S100A6: variants seen among roughly 807,000 people sequenced by gnomAD.
S100A6 encodes the protein protein S100-A6.
S100A6 carries 3 observed loss-of-function variants against 3.5 expected under a neutral mutation model. That is an observed-to-expected ratio of 0.87 (90% CI 0.39 to 2.24). The LOEUF (loss-of-function observed/expected upper bound fraction) is 2.24. Among genes scored for constraint, S100A6 ranks in the 30% most tolerant of loss-of-function variants. The pLI is 0.05. For missense variants in S100A6, 114 were observed against 105.3 expected, an observed-to-expected ratio of 1.08 and a Z score of -0.36; for synonymous variants, 48 against 45.2, an observed-to-expected ratio of 1.06 and a Z score of -0.25.
chr1:153,534,702 CT>C lies in S100A6; in HGVS notation c.266del (p.Lys89ArgfsTer6). The C allele has an allele frequency of 6.2e-7, 1 of 1,608,670 alleles. No homozygotes were observed. Among genetic ancestry groups the C allele is most frequent in the Non-Finnish European group, 8.5e-7 (1 of 1,177,526 alleles). ...ALALIYNEAL[K>X]G ...CCATCTTCCCTATTTATTTTCAGCC[CT>C]TGAGGGCTTCATTGTAGATCAAAGC... On this transcript the variant is annotated frameshift_variant, in exon 3 of 3. Transcript: ENST00000368719. LOFTEE classifies it high-confidence loss of function.
chr1:153,534,811 A>G lies in S100A6; in HGVS notation c.158T>C (p.Ile53Thr), dbSNP rs1014106908. 6.2e-7 allele frequency: 1 copy of G among 1,613,238 alleles called. No individual in the cohort carries two copies. The highest frequency in any genetic ancestry group is 8.5e-7 in the Non-Finnish European group (1 of 1,179,804). Residue 53 changes from isoleucine (I) to threonine (T), a missense_variant, in exon 3 of 3, where the codon ATT (isoleucine) becomes ACT (threonine). Physicochemically the swap from Ile to Thr is moderately conservative, Grantham distance 89. Coordinates refer to ENST00000368719, the MANE Select transcript of S100A6 (RefSeq NM_014624.4). ...GTCCAAGTCTTCCATCAGCCTTGCA[A>G]TTTCAGCATCCTGCAGCTTCTAATG... ...TIGSKLQDAE[I>T]ARLMEDLDRN...
At chr1:153,534,990 G>C in intron 2 of S100A6, 160 bp from the exon 3 acceptor site, 1 of 1,126,808 alleles carries the variant, frequency 8.9e-7, no homozygotes, top group East Asian at 2.4e-5. Context: ...CTACTTCTCA[G>C]TTACTGGTCC....
intron 2 of S100A6, 44 bp from the exon 3 acceptor site, chr1:153,534,874 AC>A (rs922723926): frequency 1.3e-6 from 2 of 1,582,208 alleles, no homozygotes; most frequent in Non-Finnish European, 1.7e-6. Context: ...GGTGATGACA[AC>A]CCTGGATTCT....
intron 2 of S100A6, 28 bp from the exon 3 acceptor site, chr1:153,534,858 C>G (rs1182556230): frequency 6.2e-7 from 1 of 1,602,012 alleles, no homozygotes; most frequent in African/African-American, 1.3e-5. Flanking sequence ...GAAATCCATA[C>G]TCAGTGGTGA....
chr1:153,534,779 T>G lies in S100A6; in HGVS notation c.190A>C (p.Lys64Gln). 6.2e-7 allele frequency: 1 copy of G among 1,614,024 alleles called. No homozygotes were observed. Among genetic ancestry groups the G allele is most frequent in the Non-Finnish European group, 8.5e-7 (1 of 1,179,984 alleles). The change falls in exon 3 of 3, where the codon AAG becomes CAG. Residue 64 changes from lysine (K) to glutamine (Q), a missense_variant. By Grantham distance (53) the Lys-to-Gln change is moderately conservative. Transcript: ENST00000368719. ...TCCTGGAAGTTCACCTCCTGGTCCT[T>G]GTTCCGGTCCAAGTCTTCCATCAGC... The part of the protein sequence containing the change: ...ARLMEDLDRN[K>Q]DQEVNFQEYV...
chr1:153,534,642 G>C lies in S100A6; in HGVS notation c.*54C>G. The C allele has an allele frequency of 6.6e-7, 1 of 1,507,846 alleles. No homozygotes were observed. The highest frequency in any genetic ancestry group is 8.9e-7 in the Non-Finnish European group (1 of 1,127,518). The allele number at this position is 1,507,846 out of a possible 1,614,324, so 93.4% of individuals were successfully genotyped here. ...ATTTATTGTACAATTACCCACCACT[G>C]GATTTGACTCAGAGAGGACCCCCAG... On this transcript the variant is annotated 3_prime_UTR_variant, in exon 3 of 3. Transcript: ENST00000368719.
Position 153,535,615 on chromosome 1 carries a change from A to G in S100A6, c.-21-255T>C, listed in dbSNP as rs576957878. Among the ~76,000 whole-genome samples, 6 of 152,344 alleles carry G rather than the reference A, an allele frequency of 3.9e-5. No homozygotes were observed. In the South Asian group the frequency reaches 1.2e-3, roughly 32 times the overall value. Reference sequence around the variant, plus strand: ...TGGGCACAGCTGAGAACTGTCCTTCAGGGGATCCAGAAGTTGAGGAGTATG... The same window carrying G: ...TGGGCACAGCTGAGAACTGTCCTTCGGGGGATCCAGAAGTTGAGGAGTATG... On this transcript the variant is annotated intron_variant, in intron 1 of 2. Transcript: ENST00000368719.
In S100A6 at chr1:153,535,263, T is replaced by G. The variant is rs1665149446; in HGVS notation, c.77A>C (p.Lys26Thr). The G allele has an allele frequency of 6.2e-7, 1 of 1,614,016 alleles. No individual in the cohort carries two copies. The highest frequency in any genetic ancestry group is 1.3e-5 in the African/African-American group (1 of 74,904). The stretch of plus-strand genomic sequence containing the variant: ...CAGCTCCTTCTTGCTCAGGGTGTGC[T>G]TGTCACCCTCCCTGCCGGAGTACTT... Reference protein sequence around the residue: ...FHKYSGREGDKHTLSKKELKE... With the variant: ...FHKYSGREGDTHTLSKKELKE... Residue 26 changes from lysine to threonine, a missense_variant, in exon 2 of 3, where the codon AAG (lysine) becomes ACG (threonine). Transcript: ENST00000368719.
At position 153,535,600 on chromosome 1, in the gene S100A6, T is replaced by G. The variant is rs558641229; in HGVS notation, c.-21-240A>C. ...TAGGAACAGTAGCTTTGGGCACAGC[T>G]GAGAACTGTCCTTCAGGGGATCCAG... On this transcript the variant is annotated intron_variant, in intron 1 of 2. Transcript: ENST00000368719. Among the ~76,000 whole-genome samples, 3 of 152,292 alleles carry G rather than the reference T, an allele frequency of 2.0e-5. No individual in the cohort carries two copies. In the East Asian group the frequency reaches 5.8e-4, roughly 29 times the overall value.
At chr1:153,535,079 G>A in intron 2 of S100A6, 123 bp downstream of exon 2, 1 of 1,388,896 alleles carries the variant, frequency 7.2e-7, no homozygotes, top group Non-Finnish European at 9.9e-7. Context: ...GGGTCTACAT[G>A]TGGACCAGGG....
In S100A6 at chr1:153,534,940, C is replaced by T; in HGVS notation, c.139-110G>A. On this transcript the variant is annotated intron_variant, in intron 2 of 2. Coordinates refer to ENST00000368719, the MANE Select transcript of S100A6 (RefSeq NM_014624.4). ...TGCAAGTGGCTCTGTGCTCCCTCATCACCAAGGACCCATGTCACTTTGGCA... is the reference window on the plus strand; with the variant it reads ...TGCAAGTGGCTCTGTGCTCCCTCATTACCAAGGACCCATGTCACTTTGGCA... The T allele has an allele frequency of 5.8e-6, 8 of 1,375,710 alleles. 1 individual carries two copies. The highest frequency in any genetic ancestry group is 7.0e-6 in the Non-Finnish European group (7 of 1,006,534). The allele number at this position is 1,375,710 out of a possible 1,614,324, so 85.2% of individuals were successfully genotyped here. A position where few individuals can be genotyped will look rare whatever the true frequency, so the allele number is the denominator to read the frequency against.
At chr1:153,535,467 T>A in intron 1 of S100A6, 107 bp from the exon 2 acceptor site, 4 of 1,222,780 alleles carry the variant, frequency 3.3e-6, no homozygotes, top group Non-Finnish European at 4.5e-6. Context: ...CCACCCAGTC[T>A]CAGGCCACAC....
At position 153,535,209 on chromosome 1, in the gene S100A6, A is replaced by G. The variant is rs1397077541; in HGVS notation, c.131T>C (p.Ile44Thr). Residue 44 changes from isoleucine to threonine, a missense_variant, in exon 2 of 3, where the codon ATT becomes ACT. Physicochemically the swap from Ile to Thr is moderately conservative, Grantham distance 89. Coordinates refer to ENST00000368719, the MANE Select transcript of S100A6 (RefSeq NM_014624.4). ...LKELIQKELT[I>T]GSKLQDAEIA... ...GGGGAGGAGGCCACTCACCGAGCCA[A>G]TGGTGAGCTCCTTCTGGATCAGCTC... The G allele has an allele frequency of 3.1e-6, 5 of 1,614,108 alleles. No individual in the cohort carries two copies. Among genetic ancestry groups the G allele is most frequent in the East Asian group, 2.2e-5 (1 of 44,850 alleles).
rs1571228924 is a variant in S100A6, at chr1:153,534,792, G to A, written c.177C>T (p.Asp59=). 2 of 1,613,820 alleles carry A rather than the reference G, an allele frequency of 1.2e-6. No individual in the cohort carries two copies. Among genetic ancestry groups the A allele is most frequent in the Non-Finnish European group, 8.5e-7 (1 of 1,179,992 alleles). The change falls in exon 3 of 3, where the codon GAC becomes GAT. Residue 59 remains aspartate (D), a synonymous_variant. Transcript: ENST00000368719. ...CCTCCTGGTCCTTGTTCCGGTCCAA[G>A]TCTTCCATCAGCCTTGCAATTTCAG... ...QDAEIARLME[D]LDRNKDQEVN...
chr1:153,535,333 A>C lies in S100A6; in HGVS notation c.7T>G (p.Cys3Gly). Residue 3 changes from cysteine (C) to glycine (G), a missense_variant, in exon 2 of 3, where the codon TGC becomes GGC. Physicochemically the swap from Cys to Gly is radical, Grantham distance 159 (BLOSUM62 -3). Transcript: ENST00000368719. MACPLDQAIGLLV... is the reference protein window; with the variant it reads MAGPLDQAIGLLV... Reference sequence around the variant, plus strand: ...AGGCCAATGGCCTGATCCAGGGGGCATGCCATGGCTGAGGGCTGGGCTTGG... The same window carrying C: ...AGGCCAATGGCCTGATCCAGGGGGCCTGCCATGGCTGAGGGCTGGGCTTGG... The C allele has an allele frequency of 6.2e-7, 1 of 1,614,094 alleles. No homozygotes were observed. The highest frequency in any genetic ancestry group is 8.5e-7 in the Non-Finnish European group (1 of 1,180,002).
chr1:153,535,043 C>T (rs757892405), intron 2 of S100A6, 159 bp downstream of exon 2: 2 of 1,161,648 alleles, frequency 1.7e-6, no homozygotes, highest in Non-Finnish European at 2.4e-6. Context: ...ATCCCCTACC[C>T]GCTGGGAGAG....
Position 153,535,259 on chromosome 1 carries a change from G to A in S100A6, c.81C>T (p.His27=), listed in dbSNP as rs760145150. The A allele has an allele frequency of 1.2e-6, 2 of 1,614,080 alleles. No individual in the cohort carries two copies. ...CCTTCAGCTCCTTCTTGCTCAGGGTGTGCTTGTCACCCTCCCTGCCGGAGT... is the reference window on the plus strand; with the variant it reads ...CCTTCAGCTCCTTCTTGCTCAGGGTATGCTTGTCACCCTCCCTGCCGGAGT... ...HKYSGREGDK[H]TLSKKELKEL... Residue 27 remains histidine, a synonymous_variant, in exon 2 of 3, where the codon CAC becomes CAT. Transcript: ENST00000368719.
rs775210745 is a variant in S100A6 at position 153,534,663 on chromosome 1, C to T, written c.*33G>A. 49 of 1,566,824 alleles carry T rather than the reference C, an allele frequency of 3.1e-5. No homozygotes were observed. The South Asian group carries it at 5.6e-4, about 18-fold the overall frequency. On this transcript the variant is annotated 3_prime_UTR_variant, in exon 3 of 3. Transcript: ENST00000368719. ...CACTGGATTTGACTCAGAGAGGACC[C>T]CCAGAGGGTGTCTCCATCTTCCCTA...
chr1:153,534,720 G>T lies in S100A6; in HGVS notation c.249C>A (p.Ile83=), dbSNP rs1267130921. ...TTCAGCCCTTGAGGGCTTCATTGTA[G>T]ATCAAAGCCAAGGCCCCCAGGAAGG... ...YVTFLGALAL[I]YNEALKG Residue 83 remains isoleucine, a synonymous_variant, in exon 3 of 3, where the codon ATC becomes ATA. Coordinates refer to ENST00000368719, the MANE Select transcript of S100A6 (RefSeq NM_014624.4). 1.2e-6 allele frequency: 2 copies of T among 1,613,184 alleles called. No individual in the cohort carries two copies. Among genetic ancestry groups the T allele is most frequent in the Non-Finnish European group, 1.7e-6 (2 of 1,179,572 alleles).
Sources: allele counts gnomAD v4.1 joint callset (sites outside exome capture counted in the v4.1 genomes callset), GRCh38; gene constraint gnomAD v4.1.1; transcripts MANE v1.5; gene names NCBI Gene and HGNC (gene_info 2026-07-23, HGNC 2026-07-21).